Variants in EHD4 observed in about 807,000 individuals in gnomAD.
The protein encoded by EHD4 is EH domain-containing protein 4.
Under a neutral mutation model 51.0 loss-of-function variants are expected in EHD4, and 37 were observed. The observed-to-expected ratio is 0.73, with a 90% CI of 0.56 to 0.95. EHD4 has a LOEUF of 0.95. Ranked by LOEUF, EHD4 falls within the 40% of genes least tolerant of loss-of-function variation. EHD4 has a pLI of 0.00. For missense variants in EHD4, 632 were observed against 733.1 expected (o/e 0.86, Z 1.59); for synonymous variants, 297 against 317.3 (o/e 0.94, Z 0.68).
intron 1 of EHD4, among the ~76,000 whole-genome samples, chr15:41,967,037 G>A (rs1463720879): frequency 6.6e-6 from 1 of 152,100 alleles, no homozygotes; most frequent in Non-Finnish European, 1.5e-5. Flanking sequence ...CATGGACATC[G>A]CCACCTTGGT....
intron 5 of EHD4, among the ~76,000 whole-genome samples, chr15:41,909,212 C>T (rs543786825): frequency 3.9e-4 from 59 of 152,368 alleles, no homozygotes; most frequent in Admixed American, 1.6e-3. Flanking sequence ...CACAGTCCTC[C>T]CTGTGCCCAC....
In EHD4 at chr15:41,972,513, T is replaced by G. The variant is rs1345323758; in HGVS notation, c.-19A>C. 1 of 1,491,138 alleles carries G rather than the reference T, an allele frequency of 6.7e-7. No individual in the cohort carries two copies. Among genetic ancestry groups the G allele is most frequent in the African/African-American group, 1.4e-5 (1 of 69,118 alleles). 92.4% of individuals were successfully genotyped at this position (1,491,138 alleles called of 1,614,324 possible). On this transcript the variant is annotated 5_prime_UTR_variant, in exon 1 of 6. Transcript: ENST00000220325. Reference sequence around the variant, plus strand: ...TGAACATCCTGCCGCCAGTCCACGCTCGGATGGGACCCTGCTCCGGGTTCG... The same window carrying G: ...TGAACATCCTGCCGCCAGTCCACGCGCGGATGGGACCCTGCTCCGGGTTCG...
intron 2 of EHD4, among the ~76,000 whole-genome samples, chr15:41,945,414 C>T (rs887880455): frequency 2.0e-5 from 3 of 152,210 alleles, no homozygotes; most frequent in Admixed American, 6.5e-5. Flanking sequence ...GAGCAAGCCA[C>T]CGTGAGATGT....
intron 4 of EHD4, among the ~76,000 whole-genome samples, chr15:41,918,632 T>C (rs747000400): frequency 6.6e-6 from 1 of 152,198 alleles, no homozygotes; most frequent in Non-Finnish European, 1.5e-5. Flanking sequence ...AGCCCAGGCA[T>C]GCAGGCTAAC....
intron 3 of EHD4, chr15:41,941,760 A>G (rs2067773024): frequency 6.6e-6 from 1 of 152,152 alleles, no homozygotes; most frequent in Non-Finnish European, 1.5e-5. Context: ...GGAGCAGCAG[A>G]GATGGCATTC....
chr15:41,920,465 C>T (rs1469819730), intron 3 of EHD4, among the ~76,000 whole-genome samples: 5 of 152,364 alleles, frequency 3.3e-5, no homozygotes, highest in Non-Finnish European at 7.3e-5. Flanking sequence ...TAATCTCAGT[C>T]TGACTAGTTG....
rs554642579 is a variant in EHD4 at position 41,907,663 on chromosome 15, A to G, written c.1089+2036T>C. Among the ~76,000 whole-genome samples, 13 of 151,720 alleles carry G rather than the reference A, an allele frequency of 8.6e-5. No homozygotes were observed. The East Asian group carries it at 2.5e-3, about 29-fold the overall frequency. ...GCCTCCCGGGTAGCTGGAACTACAG[A>G]CATGCACCACCACACCTGGCCAATT... On this transcript the variant is annotated intron_variant, in intron 5 of 5. Transcript: ENST00000220325.
intron 1 of EHD4, among the ~76,000 whole-genome samples, chr15:41,966,851 T>C (rs923782463): frequency 3.9e-5 from 6 of 152,212 alleles, no homozygotes; most frequent in Non-Finnish European, 8.8e-5. Context: ...TCCCAGGCAA[T>C]TACCCACCTC....
chr15:41,900,989 C>G lies in EHD4; in HGVS notation c.1282G>C (p.Gly428Arg), dbSNP rs930842299. Residue 428 changes from glycine to arginine, a missense_variant, in exon 6 of 6, where the codon GGC becomes CGC. By Grantham distance (125) the Gly-to-Arg change is moderately radical. Transcript: ENST00000220325. The surrounding 1 kb of genome is among the most constrained non-coding windows in gnomAD (Gnocchi z 4.8). ...CCCTCCTTGGCACCCTCCCCGTAGC[C>G]CTGGTTGAAGGGGCCCTCGGTGGTG... ...DGTTEGPFNQ[G>R]YGEGAKEGAD... The G allele has an allele frequency of 1.2e-6, 2 of 1,609,884 alleles. No individual in the cohort carries two copies. The highest frequency in any genetic ancestry group is 1.7e-4 in the Middle Eastern group (1 of 6,048).
chr15:41,935,729 T>C (rs1034479687), intron 3 of EHD4, among the ~76,000 whole-genome samples: 1 of 152,242 alleles, frequency 6.6e-6, no homozygotes, highest in African/African-American at 2.4e-5. Flanking sequence ...TTGGCTATTT[T>C]GGTCATCAGC....
At chr15:41,961,733 A>G (rs2067925650) in intron 1 of EHD4, among the ~76,000 whole-genome samples, 1 of 152,238 alleles carries the variant, frequency 6.6e-6, no homozygotes, top group African/African-American at 2.4e-5. Context: ...ATAGATAAGA[A>G]GCCACCAGCT....
At chr15:41,912,637 G>A (rs1423820914) in intron 4 of EHD4, among the ~76,000 whole-genome samples, 1 of 152,178 alleles carries the variant, frequency 6.6e-6, no homozygotes, top group Non-Finnish European at 1.5e-5. Flanking sequence ...AGAGGTCACA[G>A]TGAGCTGAGA....
At chr15:41,939,778 G>C (rs1056760156) in intron 3 of EHD4, among the ~76,000 whole-genome samples, 2 of 116,972 alleles carry the variant, frequency 1.7e-5, no homozygotes, top group Admixed American at 2.2e-4. Flanking sequence ...TGGTGACACA[G>C]CAAGACTCCG....
At chr15:41,964,972 A>G (rs1193396410) in intron 1 of EHD4, among the ~76,000 whole-genome samples, 2 of 151,918 alleles carry the variant, frequency 1.3e-5, no homozygotes, top group Admixed American at 1.3e-4. Context: ...GGGGCTCACC[A>G]TGTTGCCCAG....
intron 1 of EHD4, among the ~76,000 whole-genome samples, chr15:41,966,551 T>A (rs2067963045): frequency 6.6e-6 from 1 of 151,944 alleles, no homozygotes; most frequent in Non-Finnish European, 1.5e-5. Context: ...GTCAAACCAA[T>A]GAGACTCAAG....
intron 1 of EHD4, among the ~76,000 whole-genome samples, chr15:41,967,285 G>A (rs1055593217): frequency 3.8e-4 from 58 of 152,078 alleles, no homozygotes; most frequent in Admixed American, 3.6e-3. Context: ...TTTCCAACCC[G>A]CAAGCCTGAA....
At chr15:41,929,104 G>A (rs17687331) in intron 3 of EHD4, among the ~76,000 whole-genome samples, 9,941 of 152,274 alleles carry the variant, frequency 0.065, 396 homozygotes, top group South Asian at 0.12. Flanking sequence ...CCTAAAGTGG[G>A]TGTGGCCACA....
chr15:41,970,720 CA>C (rs2067989733), intron 1 of EHD4, among the ~76,000 whole-genome samples: 1 of 152,190 alleles, frequency 6.6e-6, no homozygotes, highest in African/African-American at 2.4e-5. Flanking sequence ...CAAAGACAAA[CA>C]GGAGGAAATG....
At chr15:41,933,077 G>T (rs1236342303) in intron 3 of EHD4, among the ~76,000 whole-genome samples, 1 of 152,198 alleles carries the variant, frequency 6.6e-6, no homozygotes, top group African/African-American at 2.4e-5. Context: ...AGGCTCACAG[G>T]GCCCCATGCT....
Sources: gnomAD v4.1 joint callset for allele counts (sites outside exome capture counted in the v4.1 genomes callset) on GRCh38, gnomAD v4.1.1 for gene constraint, Gnocchi (gnomAD v3.1) non-coding constraint, MANE v1.5 for transcripts, NCBI Gene and HGNC (gene_info 2026-07-23, HGNC 2026-07-21) for gene names.